The following WIPF3 variants were observed in gnomAD, a reference collection of about 807,000 sequenced individuals.
WIPF3 encodes the protein WAS/WASL interacting protein family member 3.
A neutral mutation model predicts 38.9 loss-of-function variants in WIPF3; 33 were observed. The observed-to-expected ratio is 0.85, with a 90% CI of 0.64 to 1.14. The LOEUF is 1.14. Among genes scored for constraint, WIPF3 ranks in the 50% most tolerant of loss-of-function variants. The pLI, the probability that WIPF3 is intolerant of heterozygous loss-of-function variation, is 0.00. For missense variants in WIPF3, 711 were observed against 652.5 expected (o/e 1.09, Z -0.98); for synonymous variants, 324 against 269.3 (o/e 1.20, Z -1.99).
chr7:29,836,483 A>G (rs1215027101), intron 2 of WIPF3, among the ~76,000 whole-genome samples: 2 of 152,364 alleles, frequency 1.3e-5, no homozygotes, highest in Non-Finnish European at 1.5e-5. Flanking sequence ...TGTATGTATC[A>G]TAGTTTTCCC....
chr7:29,904,358 C>T lies in WIPF3; in HGVS notation c.1424C>T (p.Ser475Phe). 1.2e-6 allele frequency: 2 copies of T among 1,613,892 alleles called. No individual in the cohort carries two copies. Among genetic ancestry groups the T allele is most frequent in the South Asian group, 1.1e-5 (1 of 91,082 alleles). The change falls in exon 8 of 9, where the codon TCT becomes TTT. Residue 475 changes from serine to phenylalanine, a missense_variant. Physicochemically the swap from Ser to Phe is radical, Grantham distance 155 (BLOSUM62 -2). Transcript: ENST00000242140. ...QSSDDIKGRN[S>F]QLSLKTLR The stretch of plus-strand genomic sequence containing the variant: ...TCTGATGACATCAAAGGCAGAAATT[C>T]TCAGGTAACACAAGCCTCATGTCTC...
chr7:29,887,996 T>C, intron 5 of WIPF3, 72 bp from the exon 6 acceptor site: 1 of 1,575,638 alleles, frequency 6.3e-7, no homozygotes, highest in South Asian at 1.2e-5. Flanking sequence ...AAATGCCTAA[T>C]ATCTCACATA....
chr7:29,872,195 G>T (rs1478618609), intron 2 of WIPF3, among the ~76,000 whole-genome samples: 3 of 152,176 alleles, frequency 2.0e-5, no homozygotes, highest in Non-Finnish European at 4.4e-5. Flanking sequence ...AACATGAAAC[G>T]TTCAGTGAAT....
Position 29,884,698 on chromosome 7 carries a change from G to T in WIPF3, c.1099+105G>T, listed in dbSNP as rs773689059. 1,571 of 1,427,270 alleles carry T rather than the reference G, an allele frequency of 1.1e-3. 3 individuals carry two copies. The highest frequency in any genetic ancestry group is 1.3e-3 in the Non-Finnish European group (1,467 of 1,087,032). 88.4% of individuals were successfully genotyped at this position (1,427,270 alleles called of 1,614,324 possible). ...GTATTCGTTTCAGAGATGGACACCA[G>T]GGGTGAGGGAGGCAGAGAGACTTGC... On this transcript the variant is annotated intron_variant, in intron 5 of 8. Transcript: ENST00000242140.
At chr7:29,869,372 C>G (rs1785454279) in intron 2 of WIPF3, among the ~76,000 whole-genome samples, 1 of 152,214 alleles carries the variant, frequency 6.6e-6, no homozygotes, top group Non-Finnish European at 1.5e-5. Flanking sequence ...AGTTAGCACT[C>G]AAATCTTAAA....
At chr7:29,868,834 T>A (rs1257536252) in intron 2 of WIPF3, among the ~76,000 whole-genome samples, 1 of 152,078 alleles carries the variant, frequency 6.6e-6, no homozygotes, top group East Asian at 1.9e-4. Flanking sequence ...TATTTGTGTA[T>A]CTAACCATAT....
chr7:29,894,461 G>A (rs1008929746), intron 7 of WIPF3, among the ~76,000 whole-genome samples: 4 of 152,148 alleles, frequency 2.6e-5, no homozygotes, highest in African/African-American at 7.2e-5. Flanking sequence ...ATGTGGCATC[G>A]GTGGACACGA....
At chr7:29,906,532 C>A (rs963486518) in intron 8 of WIPF3, among the ~76,000 whole-genome samples, 4 of 151,938 alleles carry the variant, frequency 2.6e-5, no homozygotes, top group Non-Finnish European at 4.4e-5. Context: ...GCCTAAGAGA[C>A]CTGTGGGAGA....
At chr7:29,815,632 G>A (rs1352447778) in intron 1 of WIPF3, among the ~76,000 whole-genome samples, 2 of 152,166 alleles carry the variant, frequency 1.3e-5, no homozygotes, top group Admixed American at 1.3e-4. Context: ...TCAGACATGT[G>A]CACCTTCTCA....
At position 29,838,760 on chromosome 7, in the gene WIPF3, C is replaced by T. The variant is rs190731499; in HGVS notation, c.90+3946C>T. Reference sequence around the variant, plus strand: ...GTATGTGCCTGCATGACCCAAAAGACATGTTAAGAACATTTGTAGCAGCAT... The same window carrying T: ...GTATGTGCCTGCATGACCCAAAAGATATGTTAAGAACATTTGTAGCAGCAT... On this transcript the variant is annotated intron_variant, in intron 2 of 8. Coordinates refer to ENST00000242140, the MANE Select transcript of WIPF3 (RefSeq NM_001080529.3). Among the ~76,000 whole-genome samples, 7 of 152,238 alleles carry T rather than the reference C, an allele frequency of 4.6e-5. 1 individual carries two copies. The highest frequency in any genetic ancestry group is 1.4e-4 in the African/African-American group (6 of 41,540).
rs1289275412 is a variant in WIPF3 at position 29,915,196 on chromosome 7, T to A, written c.*680T>A. The A allele has an allele frequency of 1.4e-5, 2 of 139,666 alleles. No individual in the cohort carries two copies. Among genetic ancestry groups the A allele is most frequent in the African/African-American group, 2.6e-5 (1 of 38,178 alleles). 8.7% of individuals were successfully genotyped at this position (139,666 alleles called of 1,614,324 possible). A position where few individuals can be genotyped will look rare whatever the true frequency, so the allele number is the denominator to read the frequency against. On this transcript the variant is annotated 3_prime_UTR_variant, in exon 9 of 9. Transcript: ENST00000242140. ...CAGGGCCCCTTTTGTAACTGAATAA[T>A]CCTCCAAGTAGCCAGTGCTCCTACT...
intron 1 of WIPF3, among the ~76,000 whole-genome samples, chr7:29,811,011 C>A (rs174919): frequency 6.6e-6 from 1 of 151,940 alleles, no homozygotes; most frequent in Non-Finnish European, 1.5e-5. Context: ...ACCTCAGCCT[C>A]CTGAGGAATT....
At chr7:29,840,990 C>T (rs143228550) in intron 2 of WIPF3, among the ~76,000 whole-genome samples, 4 of 152,156 alleles carry the variant, frequency 2.6e-5, no homozygotes, top group African/African-American at 4.8e-5. Context: ...CTTGCTAAAC[C>T]GACGTAGCAG....
At position 29,889,331 on chromosome 7, in the gene WIPF3, C is replaced by T. The variant is rs1318648321; in HGVS notation, c.1275C>T (p.Phe425=). 1 of 1,613,898 alleles carries T rather than the reference C, an allele frequency of 6.2e-7. No homozygotes were observed. The highest frequency in any genetic ancestry group is 8.5e-7 in the Non-Finnish European group (1 of 1,179,848). The part of the protein sequence containing the change: ...IIDDFESKFT[F]HSVEDFPPPD... Reference sequence around the variant, plus strand: ...ATGACTTCGAGTCTAAATTCACGTTCCATTCTGTGGAAGACTTTCCCCCTC... The same window carrying T: ...ATGACTTCGAGTCTAAATTCACGTTTCATTCTGTGGAAGACTTTCCCCCTC... Residue 425 remains phenylalanine, a synonymous_variant, in exon 7 of 9, where the codon TTC becomes TTT. Coordinates refer to ENST00000242140, the MANE Select transcript of WIPF3 (RefSeq NM_001080529.3).
chr7:29,837,574 C>A (rs981738952), intron 2 of WIPF3, among the ~76,000 whole-genome samples: 1 of 152,110 alleles, frequency 6.6e-6, no homozygotes. Context: ...TCCTTCATTT[C>A]TCTCTCTCTT....
chr7:29,884,264 TCC>T lies in WIPF3; in HGVS notation c.772_773del (p.Pro258AlafsTer59). ...AAGCCTCAGCTGGCTCCCTTGCACC[TCC>T]CGCCCATCCCGCCCCCGCTCCCTCT... On this transcript the variant is annotated frameshift_variant, in exon 5 of 9. Coordinates refer to ENST00000242140, the MANE Select transcript of WIPF3 (RefSeq NM_001080529.3). LOFTEE classifies it high-confidence loss of function. 1 of 1,315,260 alleles carries T rather than the reference TCC, an allele frequency of 7.6e-7. No homozygotes were observed. The highest frequency in any genetic ancestry group is 1.0e-6 in the Non-Finnish European group (1 of 992,688). The allele number at this position is 1,315,260 out of a possible 1,614,324, so 81.5% of individuals were successfully genotyped here. A position where few individuals can be genotyped will look rare whatever the true frequency, so the allele number is the denominator to read the frequency against.
chr7:29,890,729 C>T (rs1456226969), intron 7 of WIPF3, among the ~76,000 whole-genome samples: 9 of 145,802 alleles, frequency 6.2e-5, no homozygotes, highest in Non-Finnish European at 1.2e-4. Context: ...GTGGAGGGAA[C>T]CCAGGGCCCT....
chr7:29,848,413 C>G (rs942284464), intron 2 of WIPF3, among the ~76,000 whole-genome samples: 5 of 152,204 alleles, frequency 3.3e-5, no homozygotes, highest in African/African-American at 1.2e-4. Context: ...ACTTGCGTTT[C>G]CCTGGAAGGT....
At chr7:29,854,041 C>A (rs1785147329) in intron 2 of WIPF3, among the ~76,000 whole-genome samples, 1 of 152,210 alleles carries the variant, frequency 6.6e-6, no homozygotes, top group Non-Finnish European at 1.5e-5. Flanking sequence ...CGCTGGTAAA[C>A]TCCCTAAGGA....
Sources: gnomAD v4.1 joint callset for allele counts (sites outside exome capture counted in the v4.1 genomes callset) on GRCh38, gnomAD v4.1.1 for gene constraint, MANE v1.5 for transcripts, NCBI Gene and HGNC (gene_info 2026-07-23, HGNC 2026-07-21) for gene names.